The following FUBP1 variants were observed in gnomAD, a reference collection of about 807,000 sequenced individuals.
The protein encoded by FUBP1 is far upstream element-binding protein 1.
In FUBP1, 16 loss-of-function variants were observed where a neutral mutation model predicts 94.9. That is an observed-to-expected ratio of 0.17 (90% CI 0.11 to 0.26). The LOEUF is 0.26. Ranked by LOEUF, FUBP1 falls within the 10% of genes least tolerant of loss-of-function variation. The pLI, the probability that FUBP1 is intolerant of heterozygous loss-of-function variation, is 1.00. For synonymous variants in FUBP1, 279 were observed against 254.9 expected (o/e 1.09, Z -0.90); for missense variants, 583 against 808.6 (o/e 0.72, Z 3.38).
chr1:77,961,272 G>A (rs1655431465), intron 14 of FUBP1, among the ~76,000 whole-genome samples: 1 of 152,116 alleles, frequency 6.6e-6, no homozygotes, highest in South Asian at 2.1e-4. Context: ...GCGACATGTT[G>A]GACAAAATGC....
intron 1 of FUBP1, among the ~76,000 whole-genome samples, chr1:77,972,459 C>G (rs1383355447): frequency 6.6e-6 from 1 of 151,698 alleles, no homozygotes; most frequent in Non-Finnish European, 1.5e-5. Context: ...AAAATGAAAG[C>G]TGAGGCCAGG....
chr1:77,977,095 C>T (rs981377913), intron 1 of FUBP1, among the ~76,000 whole-genome samples: 2 of 152,234 alleles, frequency 1.3e-5, no homozygotes, highest in Non-Finnish European at 1.5e-5. Context: ...ATTAAATATC[C>T]ATATTTTGTC....
At chr1:77,974,663 A>C (rs907273219) in intron 1 of FUBP1, among the ~76,000 whole-genome samples, 3 of 152,210 alleles carry the variant, frequency 2.0e-5, no homozygotes, top group Non-Finnish European at 4.4e-5. Flanking sequence ...ATTATCGTTA[A>C]TACTGTGTCT....
intron 18 of FUBP1, 48 bp downstream of exon 18, chr1:77,955,206 TG>T (rs765575525): frequency 1.3e-6 from 1 of 798,500 alleles, no homozygotes; most frequent in Admixed American, 1.9e-5. Flanking sequence ...GAGAATAATT[TG>T]TTTCAATTTA....
intron 1 of FUBP1, among the ~76,000 whole-genome samples, chr1:77,971,300 T>C (rs1487792931): frequency 6.6e-6 from 1 of 152,194 alleles, no homozygotes; most frequent in Non-Finnish European, 1.5e-5. Flanking sequence ...ATTTTGAGTA[T>C]ATTTGAAATC....
chr1:77,973,871 C>T (rs1378058892), intron 1 of FUBP1, among the ~76,000 whole-genome samples: 1 of 151,780 alleles, frequency 6.6e-6, no homozygotes, highest in Non-Finnish European at 1.5e-5. Flanking sequence ...TTAAATTTGC[C>T]CTTCTTGTCC....
Position 77,949,352 on chromosome 1 carries a change from C to T in FUBP1, c.1781-52G>A, listed in dbSNP as rs1434169881. ...GTAACCACAATTATAAGCCCAACATCTCATTTCTAATAAAAACAATACCTT... is the reference window on the plus strand; with the variant it reads ...GTAACCACAATTATAAGCCCAACATTTCATTTCTAATAAAAACAATACCTT... On this transcript the variant is annotated intron_variant, in intron 18 of 19. Transcript: ENST00000370768. 2.1e-6 allele frequency: 3 copies of T among 1,447,690 alleles called. No individual in the cohort carries two copies. In the African/African-American group the frequency reaches 4.2e-5, roughly 20 times the overall value. The allele number at this position is 1,447,690 out of a possible 1,614,324, so 89.7% of individuals were successfully genotyped here.
chr1:77,944,693 G>C lies in FUBP1; in HGVS notation c.*4073C>G, dbSNP rs1160921982. 6.6e-6 allele frequency among the ~76,000 whole-genome samples: 1 copy of C among 151,794 alleles called. No homozygotes were observed. Among genetic ancestry groups the C allele is most frequent in the East Asian group, 1.9e-4 (1 of 5,172 alleles). On this transcript the variant is annotated 3_prime_UTR_variant, in exon 20 of 20. Coordinates refer to ENST00000370768, the MANE Select transcript of FUBP1 (RefSeq NM_003902.5). Reference sequence around the variant, plus strand: ...AAACAAATAAAATGCTATCACTTCTGAATGACTCCCCTTTCCCTCTGAAAG... The same window carrying C: ...AAACAAATAAAATGCTATCACTTCTCAATGACTCCCCTTTCCCTCTGAAAG...
chr1:77,949,044 T>C (rs1406060796), intron 19 of FUBP1, 111 bp downstream of exon 19: 8 of 1,074,982 alleles, frequency 7.4e-6, no homozygotes, highest in Non-Finnish European at 9.8e-6. Flanking sequence ...AAATAGTTAT[T>C]ATACTTTGCC....
intron 13 of FUBP1, 129 bp from the exon 14 acceptor site, chr1:77,963,059 G>C (rs949511744): frequency 1.7e-5 from 9 of 542,704 alleles, no homozygotes; most frequent in Non-Finnish European, 2.9e-5. Context: ...TGACAATATT[G>C]TATTAAGATT....
In FUBP1 at chr1:77,966,675, T is replaced by C; in HGVS notation, c.473+19A>G. ...TGCTGTTGTTACTTAAGTAGATTTT[T>C]AAGATTTTTCAAACTTACTGGACAG... is the stretch of plus-strand genomic sequence containing the variant. On this transcript the variant is annotated intron_variant, in intron 7 of 19. Coordinates refer to ENST00000370768, the MANE Select transcript of FUBP1 (RefSeq NM_003902.5). The C allele has an allele frequency of 7.6e-7, 1 of 1,312,424 alleles. No individual in the cohort carries two copies. The highest frequency in any genetic ancestry group is 1.1e-6 in the Non-Finnish European group (1 of 909,556). The allele number at this position is 1,312,424 out of a possible 1,614,324, so 81.3% of individuals were successfully genotyped here.
chr1:77,963,322 AG>A (rs1288569584), intron 13 of FUBP1, among the ~76,000 whole-genome samples: 2 of 152,348 alleles, frequency 1.3e-5, no homozygotes, highest in Non-Finnish European at 2.9e-5. Flanking sequence ...TTGGGTCAAA[AG>A]ACATTTCTTA....
rs951704577 is a variant in FUBP1 at position 77,947,052 on chromosome 1, G to A, written c.*1714C>T. The A allele has an allele frequency of 1.9e-5, 4 of 208,758 alleles. No homozygotes were observed. In the East Asian group the frequency reaches 2.2e-4, roughly 11 times the overall value. 12.9% of individuals were successfully genotyped at this position (208,758 alleles called of 1,614,324 possible). On this transcript the variant is annotated 3_prime_UTR_variant, in exon 20 of 20. Coordinates refer to ENST00000370768, the MANE Select transcript of FUBP1 (RefSeq NM_003902.5). ...ATGACAAAATATATATTTATGAAAT[G>A]TGTTAAAATTGCTACATTGCTCATT...
chr1:77,978,319 G>A (rs145461242), intron 1 of FUBP1, among the ~76,000 whole-genome samples: 4 of 152,316 alleles, frequency 2.6e-5, no homozygotes, highest in African/African-American at 9.6e-5. Flanking sequence ...GAGAAATAAG[G>A]GGGGCGGACT....
In FUBP1 at chr1:77,968,653, A is replaced by C. The variant is rs185846918; in HGVS notation, c.212-450T>G. Among the ~76,000 whole-genome samples, 319 of 151,896 alleles carry C rather than the reference A, an allele frequency of 2.1e-3. 1 individual carries two copies. The highest frequency in any genetic ancestry group is 7.1e-3 in the African/African-American group (293 of 41,508). On this transcript the variant is annotated intron_variant, in intron 2 of 19. Coordinates refer to ENST00000370768, the MANE Select transcript of FUBP1 (RefSeq NM_003902.5). The stretch of plus-strand genomic sequence containing the variant: ...CACAAAGCTATGCCCAAAAAAAAAA[A>C]AACAAAAAAACCCCCCACAACATTA...
chr1:77,950,768 T>C (rs1653303995), intron 18 of FUBP1, among the ~76,000 whole-genome samples: 1 of 152,184 alleles, frequency 6.6e-6, no homozygotes, highest in South Asian at 2.1e-4. Context: ...AGGAAGCTCT[T>C]TTTATGTTTG....
chr1:77,948,754 G>C lies in FUBP1; in HGVS notation c.*12C>G. 1 of 1,609,038 alleles carries C rather than the reference G, an allele frequency of 6.2e-7. No individual in the cohort carries two copies. Among genetic ancestry groups the C allele is most frequent in the Non-Finnish European group, 8.5e-7 (1 of 1,176,498 alleles). ...CACACAATGAAGCAAATACTGTATTGTCCACTTCTTATTATTGGCCCTGTG... is the reference window on the plus strand; with the variant it reads ...CACACAATGAAGCAAATACTGTATTCTCCACTTCTTATTATTGGCCCTGTG... On this transcript the variant is annotated 3_prime_UTR_variant, in exon 20 of 20. Coordinates refer to ENST00000370768, the MANE Select transcript of FUBP1 (RefSeq NM_003902.5).
Position 77,963,045 on chromosome 1 carries a change from T to TA in FUBP1, c.1184-116dup, listed in dbSNP as rs1655803984. The TA allele has an allele frequency of 3.1e-5, 19 of 611,646 alleles. No individual in the cohort carries two copies. In the South Asian group the frequency reaches 5.0e-4, roughly 16 times the overall value. 37.9% of individuals were successfully genotyped at this position (611,646 alleles called of 1,614,324 possible). On this transcript the variant is annotated intron_variant, in intron 13 of 19. Coordinates refer to ENST00000370768, the MANE Select transcript of FUBP1 (RefSeq NM_003902.5). ...TAAAAATATGGTTTGGTCAGTATCC[T>TA]AATTGACAATATTGTATTAAGATTT...
intron 2 of FUBP1, 59 bp from the exon 3 acceptor site, chr1:77,968,262 C>T (rs2102437445): frequency 2.2e-6 from 2 of 905,100 alleles, no homozygotes; most frequent in East Asian, 2.8e-5. Flanking sequence ...TCTCCCCTCC[C>T]AAACAAGAAT....
Sources: gnomAD v4.1 joint callset for allele counts (sites outside exome capture counted in the v4.1 genomes callset) on GRCh38, gnomAD v4.1.1 for gene constraint, MANE v1.5 for transcripts, NCBI Gene and HGNC (gene_info 2026-07-23, HGNC 2026-07-21) for gene names.